The following DNAAF11 variants were observed in gnomAD, a reference collection of about 807,000 sequenced individuals.
DNAAF11 encodes the protein dynein axonemal assembly factor 11, also known as leucine rich repeat containing 6.
In DNAAF11, 45 loss-of-function variants were observed where a neutral mutation model predicts 60.8. The observed-to-expected ratio is 0.74, with a 90% CI of 0.58 to 0.95. The LOEUF (loss-of-function observed/expected upper bound fraction) is 0.95. Ranked by LOEUF, DNAAF11 falls within the 40% of genes least tolerant of loss-of-function variation. The probability of loss-of-function intolerance (pLI) is 0.00; values close to 1 mark genes in which losing one functional copy is unlikely to be tolerated. For synonymous variants in DNAAF11, 191 were observed against 183.5 expected, an observed-to-expected ratio of 1.04 and a Z score of -0.33; for missense variants, 546 against 546.2, an observed-to-expected ratio of 1.00 and a Z score of 0.00.
the DNAAF11 span, among the ~76,000 whole-genome samples, chr8:132,698,312 T>A: frequency 6.6e-6 from 1 of 152,200 alleles, no homozygotes; most frequent in Non-Finnish European, 1.5e-5. Flanking sequence ...AGAGGTTAGA[T>A]GATTTTCCCA....
At chr8:132,661,114 A>G (rs1483822592) in intron 2 of DNAAF11, among the ~76,000 whole-genome samples, 1 of 152,088 alleles carries the variant, frequency 6.6e-6, no homozygotes, top group Non-Finnish European at 1.5e-5. Context: ...TTCTCATATA[A>G]ATTTGTTTTG....
intron 3 of DNAAF11, among the ~76,000 whole-genome samples, chr8:132,642,333 A>C (rs1487258016): frequency 1.3e-5 from 2 of 152,238 alleles, no homozygotes; most frequent in Non-Finnish European, 2.9e-5. Context: ...CAGATAGCTC[A>C]GTGTGGGCAC....
chr8:132,608,978 G>A (rs952633949), intron 10 of DNAAF11, among the ~76,000 whole-genome samples: 2 of 152,114 alleles, frequency 1.3e-5, no homozygotes, highest in African/African-American at 4.8e-5. Context: ...AATCAAGTTT[G>A]TACTCTTCAT....
At chr8:132,617,006 C>T (rs560509089) in intron 7 of DNAAF11, among the ~76,000 whole-genome samples, 154 of 152,166 alleles carry the variant, frequency 1.0e-3, no homozygotes, top group African/African-American at 3.5e-3. Context: ...AGGAAAGGTA[C>T]GGTATATCTT....
At chr8:132,648,708 C>T (rs902615728) in intron 3 of DNAAF11, among the ~76,000 whole-genome samples, 11 of 152,130 alleles carry the variant, frequency 7.2e-5, no homozygotes, top group Non-Finnish European at 1.3e-4. Context: ...CATTCTTATA[C>T]ACCAATAACA....
Position 132,593,636 on chromosome 8 carries a change from A to G in DNAAF11, c.1141-9857T>C, listed in dbSNP as rs1265496808. ...ATGATCATCAAAAAGAAACAAAGTC[A>G]TAAGAATTGCAGCCTTGAAGGTTTA... is the stretch of plus-strand genomic sequence containing the variant. On this transcript the variant is annotated intron_variant, in intron 10 of 11. Transcript: ENST00000620350. 1.2e-4 allele frequency among the ~76,000 whole-genome samples: 18 copies of G among 152,060 alleles called. No individual in the cohort carries two copies. The South Asian group carries it at 3.5e-3, about 30-fold the overall frequency.
chr8:132,586,523 C>T lies in DNAAF11; in HGVS notation c.1141-2744G>A, dbSNP rs1044766289. Among the ~76,000 whole-genome samples, 12 of 152,272 alleles carry T rather than the reference C, an allele frequency of 7.9e-5. No homozygotes were observed. The East Asian group carries it at 1.4e-3, about 17-fold the overall frequency. ...GCCGGGATTCTTCTTCAGGTGTGAA[C>T]GACCTTGTCCATACCAACTACCCGT... On this transcript the variant is annotated intron_variant, in intron 10 of 11. Coordinates refer to ENST00000620350, the MANE Select transcript of DNAAF11 (RefSeq NM_012472.6).
intron 1 of DNAAF11, among the ~76,000 whole-genome samples, chr8:132,668,093 T>C (rs955619366): frequency 4.6e-5 from 7 of 152,186 alleles, no homozygotes; most frequent in Non-Finnish European, 7.3e-5. Flanking sequence ...GATATGTATA[T>C]GAAATTGAGA....
intron 4 of DNAAF11, among the ~76,000 whole-genome samples, chr8:132,635,923 G>A (rs1406833107): frequency 2.0e-5 from 3 of 152,110 alleles, no homozygotes; most frequent in Non-Finnish European, 4.4e-5. Context: ...AGATTGGCCA[G>A]CAAATCAGCA....
chr8:132,698,928 A>ATG, the DNAAF11 span, among the ~76,000 whole-genome samples: 3 of 87,874 alleles, frequency 3.4e-5, no homozygotes, highest in African/African-American at 3.6e-4. Context: ...TAAAATATAT[A>ATG]TATGTATACA....
chr8:132,583,712 C>G lies in DNAAF11; in HGVS notation c.1208G>C (p.Arg403Thr). The G allele has an allele frequency of 1.9e-6, 3 of 1,613,632 alleles. No homozygotes were observed. Among genetic ancestry groups the G allele is most frequent in the East Asian group, 2.2e-5 (1 of 44,840 alleles). Residue 403 changes from arginine to threonine, a missense_variant, in exon 11 of 12, where the codon AGA becomes ACA. Arg to Thr is a moderately conservative substitution (Grantham distance 71). Transcript: ENST00000620350. ...GTGGTACCTTGTATTTGTTTGTTCT[C>G]TGCTCCTGTCCGAGGTAGTTTTCAT... ...KSMKTTSDRS[R>T]EQTNTRSKHM...
At chr8:132,641,762 A>T (rs944002875) in intron 3 of DNAAF11, among the ~76,000 whole-genome samples, 1 of 152,238 alleles carries the variant, frequency 6.6e-6, no homozygotes, top group Non-Finnish European at 1.5e-5. Context: ...AAGTATAATT[A>T]CATGATATAA....
At chr8:132,695,403 G>C in the DNAAF11 span, among the ~76,000 whole-genome samples, 1 of 152,172 alleles carries the variant, frequency 6.6e-6, no homozygotes, top group African/African-American at 2.4e-5. Context: ...CAATGCATGA[G>C]TGGTAAATTG....
Position 132,572,472 on chromosome 8 carries a change from T to C in DNAAF11, c.1235A>G (p.His412Arg), listed in dbSNP as rs1814307201. ...AGGGTCTACTTCTAGTTTCTCCATG[T>C]GCTTGCTTCTATAACAACAAAAAAA... is the stretch of plus-strand genomic sequence containing the variant. Reference protein sequence around the residue: ...SREQTNTRSKHMEKLEVDPSK... With the variant: ...SREQTNTRSKRMEKLEVDPSK... The change falls in exon 12 of 12, where the codon CAC (histidine) becomes CGC (arginine). Residue 412 changes from histidine to arginine, a missense_variant. His to Arg is a conservative substitution (Grantham distance 29). Coordinates refer to ENST00000620350, the MANE Select transcript of DNAAF11 (RefSeq NM_012472.6). The C allele has an allele frequency of 6.3e-7, 1 of 1,590,694 alleles. No individual in the cohort carries two copies. Among genetic ancestry groups the C allele is most frequent in the South Asian group, 1.2e-5 (1 of 86,286 alleles).
chr8:132,613,483 T>A (rs539114677), intron 8 of DNAAF11, among the ~76,000 whole-genome samples: 1 of 152,076 alleles, frequency 6.6e-6, no homozygotes, highest in Non-Finnish European at 1.5e-5. Flanking sequence ...AATAGGCAAA[T>A]CTATAGAGAC....
intron 8 of DNAAF11, among the ~76,000 whole-genome samples, chr8:132,614,716 G>C (rs757415218): frequency 1.3e-5 from 2 of 152,154 alleles, no homozygotes; most frequent in Non-Finnish European, 2.9e-5. Context: ...AGGCATTTTA[G>C]ACAAAAACAG....
intron 10 of DNAAF11, among the ~76,000 whole-genome samples, chr8:132,586,631 T>C (rs762183002): frequency 3.3e-5 from 5 of 152,150 alleles, no homozygotes; most frequent in African/African-American, 1.2e-4. Flanking sequence ...GACCTGTAAC[T>C]CTCATGTAAG....
At position 132,611,285 on chromosome 8, in the gene DNAAF11, T is replaced by C; in HGVS notation, c.1044+9A>G. ...TTGAAATTGTAATAGCCTACAGGGT[T>C]CTACTTACCTTTCCTTTGATCATTA... On this transcript the variant is annotated intron_variant, in intron 9 of 11. Transcript: ENST00000620350. 1 of 1,600,034 alleles carries C rather than the reference T, an allele frequency of 6.2e-7. No individual in the cohort carries two copies.
intron 10 of DNAAF11, among the ~76,000 whole-genome samples, chr8:132,605,391 A>G (rs1353806527): frequency 3.3e-5 from 5 of 152,226 alleles, no homozygotes; most frequent in African/African-American, 1.2e-4. Flanking sequence ...CCAGAAAAAT[A>G]CATATGGAAA....
Sources: gnomAD v4.1 joint callset for allele counts (sites outside exome capture counted in the v4.1 genomes callset) on GRCh38, gnomAD v4.1.1 for gene constraint, MANE v1.5 for transcripts, NCBI Gene and HGNC (gene_info 2026-07-23, HGNC 2026-07-21) for gene names.